The following ARSG variants were observed in gnomAD, a reference collection of about 807,000 sequenced individuals.
ARSG encodes the protein ASG.
A neutral mutation model predicts 50.5 loss-of-function variants in ARSG; 37 were observed. The ratio of observed to expected loss-of-function variants is 0.73; its 90% confidence interval spans 0.56 to 0.96. ARSG has a LOEUF of 0.96. Ranked by LOEUF, ARSG falls within the 50% of genes least tolerant of loss-of-function variation. ARSG has a pLI of 0.00. For missense variants in ARSG, 629 were observed against 675.3 expected, an observed-to-expected ratio of 0.93 and a Z score of 0.76; for synonymous variants, 225 against 254.6, an observed-to-expected ratio of 0.88 and a Z score of 1.11.
chr17:68,374,189 A>G (rs1035484062), intron 8 of ARSG, among the ~76,000 whole-genome samples: 7 of 150,462 alleles, frequency 4.7e-5, no homozygotes, highest in African/African-American at 1.5e-4. Context: ...ACAAGAGCCT[A>G]GAGAAATACA....
upstream of ARSG, among the ~76,000 whole-genome samples, chr17:68,287,120 A>G (rs1306750806): frequency 1.3e-5 from 2 of 152,150 alleles, no homozygotes; most frequent in Non-Finnish European, 2.9e-5. Context: ...AGAAGCTGGG[A>G]TTACAGGCAT....
chr17:68,437,010 A>ATGTGTGTGTGTGTG, the ARSG span, among the ~76,000 whole-genome samples: 1,004 of 77,864 alleles, frequency 0.013, 5 homozygotes, highest in African/African-American at 0.044. Context: ...AAAAAAATAT[A>ATGTGTGTGTGTGTG]TATATATGTG....
rs116484145 is a variant in ARSG at position 68,300,828 on chromosome 17, A to T, written c.-551-6115A>T. Reference sequence around the variant, plus strand: ...TCACAGAAATGATATTGCCCGAAACAGTGTCTGGTGTGAGGTCTCCAAGCT... The same window carrying T: ...TCACAGAAATGATATTGCCCGAAACTGTGTCTGGTGTGAGGTCTCCAAGCT... On this transcript the variant is annotated intron_variant, in intron 1 of 11. Coordinates refer to ENST00000621439, the MANE Select transcript of ARSG (RefSeq NM_001267727.2). Among the ~76,000 whole-genome samples the T allele has an allele frequency of 3.6e-3, 543 of 150,384 alleles. 4 individuals carry two copies. Among genetic ancestry groups the T allele is most frequent in the African/African-American group, 0.012 (505 of 41,088 alleles).
chr17:68,341,902 C>A (rs1054362673), intron 2 of ARSG, among the ~76,000 whole-genome samples: 1 of 151,858 alleles, frequency 6.6e-6, no homozygotes, highest in African/African-American at 2.4e-5. Context: ...TCACTGCAAC[C>A]TCCAACCCCT....
chr17:68,384,475 T>C lies in ARSG; in HGVS notation c.983-589T>C, dbSNP rs147038803. On this transcript the variant is annotated intron_variant, in intron 8 of 11. Transcript: ENST00000621439. ...AAGAGGTTGGAACTATTACTGACAC[T>C]GTCTCCATAACATCAGAACAACTCA... Among the ~76,000 whole-genome samples, 3 of 152,326 alleles carry C rather than the reference T, an allele frequency of 2.0e-5. No individual in the cohort carries two copies. The East Asian group carries it at 5.8e-4, about 29-fold the overall frequency.
intron 11 of ARSG, among the ~76,000 whole-genome samples, chr17:68,411,226 T>G (rs936721296): frequency 1.3e-5 from 2 of 152,236 alleles, no homozygotes; most frequent in African/African-American, 4.8e-5. Flanking sequence ...AGGGTGTCAA[T>G]TTTAGATCTT....
chr17:68,283,382 G>A (rs1035653133), intron 1 of ARSG, among the ~76,000 whole-genome samples: 13 of 152,096 alleles, frequency 8.5e-5, no homozygotes, highest in African/African-American at 3.1e-4. Context: ...TTAGCCAGGC[G>A]TGGTGGCGGG....
intron 4 of ARSG, among the ~76,000 whole-genome samples, chr17:68,351,310 A>G (rs2078751686): frequency 6.6e-6 from 1 of 152,010 alleles, no homozygotes; most frequent in Non-Finnish European, 1.5e-5. Flanking sequence ...GATGTTAGGC[A>G]TTCAATAATT....
intron 1 of ARSG, among the ~76,000 whole-genome samples, chr17:68,282,779 T>TAAAAGAAAAAAAAAAAAAA (rs2075734221): frequency 1.9e-5 from 1 of 53,398 alleles, no homozygotes; most frequent in African/African-American, 9.3e-5. Flanking sequence ...CCATCTCTAC[T>TAAAAGAAAAAAAAAAAAAA]AAAAAAAAAA....
intron 2 of ARSG, among the ~76,000 whole-genome samples, chr17:68,325,684 T>C (rs1555772160): frequency 6.6e-6 from 1 of 152,160 alleles, no homozygotes; most frequent in African/African-American, 2.4e-5. Context: ...CCTCCATTTT[T>C]TCCTCTGTGC....
chr17:68,363,170 C>T (rs2079377967), intron 6 of ARSG, among the ~76,000 whole-genome samples: 1 of 152,154 alleles, frequency 6.6e-6, no homozygotes, highest in African/African-American at 2.4e-5. Context: ...AGGAGGCAGC[C>T]AACCATGACC....
At chr17:68,268,640 C>G (rs1555747202) in intron 1 of ARSG, 2 of 150,530 alleles carry the variant, frequency 1.3e-5, no homozygotes, top group African/African-American at 2.4e-5. Flanking sequence ...AATTTCATTT[C>G]AATGACCTGG....
chr17:68,328,682 C>T (rs4968889), intron 2 of ARSG, among the ~76,000 whole-genome samples: 55,880 of 151,982 alleles, frequency 0.37, 11,412 homozygotes, highest in East Asian at 0.56. Context: ...GCAGGTGATA[C>T]GCATGTGTCT....
chr17:68,340,142 A>G lies in ARSG; in HGVS notation c.219-3462A>G, dbSNP rs140850562. On this transcript the variant is annotated intron_variant, in intron 2 of 11. Transcript: ENST00000621439. ...ACTGTGGTCCTTCTAAAGTGTCAAG[A>G]TGAATGTTTAATTACGAATTTTTAG... Among the ~76,000 whole-genome samples the G allele has an allele frequency of 2.0e-5, 3 of 152,306 alleles. No homozygotes were observed. The East Asian group carries it at 5.8e-4, about 29-fold the overall frequency.
chr17:68,273,729 T>C (rs933113619), intron 1 of ARSG, among the ~76,000 whole-genome samples: 12 of 152,154 alleles, frequency 7.9e-5, no homozygotes, highest in Non-Finnish European at 1.3e-4. Flanking sequence ...ACAAAAACCC[T>C]TGGGCACTTG....
intron 1 of ARSG, among the ~76,000 whole-genome samples, chr17:68,284,429 A>G (rs1289814379): frequency 2.0e-5 from 3 of 152,182 alleles, no homozygotes; most frequent in East Asian, 1.9e-4. Flanking sequence ...AAATGTAAAA[A>G]GAAAATTCTT....
At chr17:68,264,733 G>A (rs2075125482) in intron 1 of ARSG, among the ~76,000 whole-genome samples, 1 of 151,920 alleles carries the variant, frequency 6.6e-6, no homozygotes, top group Non-Finnish European at 1.5e-5. Context: ...CACTGCACCT[G>A]GCCCAACTCA....
At chr17:68,427,556 CA>C (rs1294657841), downstream of ARSG, 7 of 214,988 alleles carry the variant, frequency 3.3e-5, no homozygotes, top group Non-Finnish European at 6.6e-5. Context: ...TGGGTTTCAC[CA>C]TGTTGGCCAG....
intron 11 of ARSG, among the ~76,000 whole-genome samples, chr17:68,402,670 G>A (rs149744813): frequency 0.027 from 4,139 of 151,996 alleles, 64 homozygotes; most frequent in Non-Finnish European, 0.041. Context: ...GACTACAGGT[G>A]CCCGCCACCT....
Sources: allele counts gnomAD v4.1 joint callset (sites outside exome capture counted in the v4.1 genomes callset), GRCh38; gene constraint gnomAD v4.1.1; transcripts MANE v1.5; gene names NCBI Gene and HGNC (gene_info 2026-07-23, HGNC 2026-07-21).